The following AMIGO1 variants were observed in gnomAD, a reference collection of about 807,000 sequenced individuals.
AMIGO1 encodes amphoterin-induced protein 1.
For synonymous variants in AMIGO1, 249 were observed against 266.3 expected (o/e 0.93, Z 0.63); for missense variants, 361 against 612.3 (o/e 0.59, Z 4.33).
chr1:109,508,878 A>C lies in AMIGO1; in HGVS notation c.35T>G (p.Leu12Arg). ...CAGCAGGGACAAGGACGGCAGCAGG[A>C]GCCAGAGGCCTCTCGGGTCACGGTG... is the stretch of plus-strand genomic sequence containing the variant. ...HPHRDPRGLWLLLPSLSLLLF... is the reference protein window; with the variant it reads ...HPHRDPRGLWRLLPSLSLLLF... The change falls in exon 2 of 2, where the codon CTC (leucine) becomes CGC (arginine). Residue 12 changes from leucine to arginine, a missense_variant. Physicochemically the swap from Leu to Arg is moderately radical, Grantham distance 102. Coordinates refer to ENST00000369864, the MANE Select transcript of AMIGO1 (RefSeq NM_020703.4). The surrounding 1 kb of genome is among the most constrained non-coding windows in gnomAD (Gnocchi z 7.8). The C allele has an allele frequency of 1.3e-6, 2 of 1,599,680 alleles. No homozygotes were observed. The highest frequency in any genetic ancestry group is 1.7e-6 in the Non-Finnish European group (2 of 1,171,988).
At position 109,504,785 on chromosome 1, in the gene AMIGO1, G is replaced by C. The variant is rs988344212; in HGVS notation, c.*2646C>G. ...TAGTGGATATAGTCAGGAGACTTAA[G>C]AGCCACAGGGCCTTTTCTCATTCCC... On this transcript the variant is annotated 3_prime_UTR_variant, in exon 2 of 2. Transcript: ENST00000369864. The C allele has an allele frequency of 1.3e-5, 2 of 152,186 alleles. No homozygotes were observed. Among genetic ancestry groups the C allele is most frequent in the African/African-American group, 4.8e-5 (2 of 41,448 alleles). 9.4% of individuals were successfully genotyped at this position (152,186 alleles called of 1,614,324 possible).
chr1:109,507,818 T>A lies in AMIGO1; in HGVS notation c.1095A>T (p.Gly365=). Residue 365 remains glycine (G), a synonymous_variant, in exon 2 of 2, where the codon GGA becomes GGT. Transcript: ENST00000369864. This position sits in a 1 kb window ranked among gnomAD's most constrained non-coding sequence, Gnocchi z 4.7. The part of the protein sequence containing the change: ...ELKVHNFTLH[G]HHDTLNTAYT... ...AGGCTGTGTTGAGGGTGTCATGGTGTCCGTGCAAGGTGAAATTGTGCACTT... is the reference window on the plus strand; with the variant it reads ...AGGCTGTGTTGAGGGTGTCATGGTGACCGTGCAAGGTGAAATTGTGCACTT... The A allele has an allele frequency of 6.2e-7, 1 of 1,614,116 alleles. No homozygotes were observed. The highest frequency in any genetic ancestry group is 8.5e-7 in the Non-Finnish European group (1 of 1,180,036).
Sources: gnomAD v4.1 joint callset for allele counts on GRCh38, gnomAD v4.1.1 for gene constraint, Gnocchi (gnomAD v3.1) non-coding constraint, MANE v1.5 for transcripts, NCBI Gene and HGNC (gene_info 2026-07-23, HGNC 2026-07-21) for gene names.